The following SNX9 variants were observed in gnomAD, a reference collection of about 807,000 sequenced individuals.
The protein encoded by SNX9 is sorting nexin-9.
Under a neutral mutation model 89.4 loss-of-function variants are expected in SNX9, and 44 were observed. The ratio of observed to expected loss-of-function variants is 0.49; its 90% CI spans 0.39 to 0.63. SNX9 has a LOEUF of 0.63. Ranked by LOEUF, SNX9 falls within the 30% of genes least tolerant of loss-of-function variation. The pLI is 0.00. For synonymous variants in SNX9, 236 were observed against 247.8 expected (o/e 0.95, Z 0.45); for missense variants, 578 against 736.1 (o/e 0.79, Z 2.49).
intron 9 of SNX9, among the ~76,000 whole-genome samples, chr6:157,911,559 A>G (rs1021815258): frequency 4.6e-5 from 7 of 152,216 alleles, no homozygotes; most frequent in African/African-American, 1.7e-4. Flanking sequence ...CCTCACAGAT[A>G]GGCATTTTCA....
At chr6:157,869,898 C>T (rs905718990) in intron 2 of SNX9, among the ~76,000 whole-genome samples, 4 of 152,046 alleles carry the variant, frequency 2.6e-5, no homozygotes, top group Non-Finnish European at 5.9e-5. Flanking sequence ...CACACACATG[C>T]GCACACACCT....
chr6:157,884,919 G>A (rs559810662), intron 4 of SNX9, among the ~76,000 whole-genome samples: 89 of 152,088 alleles, frequency 5.9e-4, no homozygotes, highest in African/African-American at 1.9e-3. Flanking sequence ...ATTGTTATAC[G>A]TACATCCTGT....
intron 1 of SNX9, among the ~76,000 whole-genome samples, chr6:157,852,546 C>T (rs941860842): frequency 1.3e-5 from 2 of 151,936 alleles, no homozygotes; most frequent in African/African-American, 4.9e-5. Flanking sequence ...TAACAGTAGA[C>T]CTCTATTTCC....
At position 157,921,813 on chromosome 6, in the gene SNX9, T is replaced by C. The variant is rs546392406; in HGVS notation, c.1080+152T>C. The C allele has an allele frequency of 2.6e-5, 25 of 944,608 alleles. 1 individual carries two copies. In the African/African-American group the frequency reaches 3.8e-4, roughly 14 times the overall value. The allele number at this position is 944,608 out of a possible 1,614,324, so 58.5% of individuals were successfully genotyped here. A position where few individuals can be genotyped will look rare whatever the true frequency, so the allele number is the denominator to read the frequency against. ...GGGACAGAAACCTAAATCCCCACCA[T>C]AGGAAATTTGTCATGATGTGTGAAG... On this transcript the variant is annotated intron_variant, in intron 10 of 17. Transcript: ENST00000392185.
At chr6:157,894,114 T>TC (rs1460169645) in intron 4 of SNX9, among the ~76,000 whole-genome samples, 3 of 138,908 alleles carry the variant, frequency 2.2e-5, no homozygotes, top group Non-Finnish European at 4.7e-5. Context: ...TTCTTTTTTT[T>TC]TTTTTTTTTT....
chr6:157,837,106 T>C (rs1781599284), intron 1 of SNX9, among the ~76,000 whole-genome samples: 1 of 152,234 alleles, frequency 6.6e-6, no homozygotes, highest in African/African-American at 2.4e-5. Flanking sequence ...AGGATTATTT[T>C]ATCTAACTGG....
intron 5 of SNX9, among the ~76,000 whole-genome samples, chr6:157,897,480 G>T (rs778036458): frequency 5.9e-5 from 9 of 152,048 alleles, no homozygotes; most frequent in Non-Finnish European, 1.3e-4. Context: ...TTTTACGGCG[G>T]TTTCATCACA....
chr6:157,937,580 C>A, intron 15 of SNX9, 57 bp downstream of exon 15: 2 of 1,137,820 alleles, frequency 1.8e-6, no homozygotes, highest in Non-Finnish European at 2.7e-6. Context: ...GGCAGATGTG[C>A]GCAGTAGTCA....
chr6:157,927,781 C>T (rs576599235), intron 11 of SNX9, among the ~76,000 whole-genome samples: 15 of 129,510 alleles, frequency 1.2e-4, no homozygotes, highest in African/African-American at 4.6e-4. Flanking sequence ...GGCTGGAGTG[C>T]AGTGGCACGA....
Position 157,823,267 on chromosome 6 carries a change from G to A in SNX9, c.-168G>A, listed in dbSNP as rs1781269649. 4 of 382,442 alleles carry A rather than the reference G, an allele frequency of 1.0e-5. No individual in the cohort carries two copies. Among genetic ancestry groups the A allele is most frequent in the African/African-American group, 2.2e-5 (1 of 45,836 alleles). 23.7% of individuals were successfully genotyped at this position (382,442 alleles called of 1,614,324 possible). On this transcript the variant is annotated 5_prime_UTR_variant, in exon 1 of 18. Coordinates refer to ENST00000392185, the MANE Select transcript of SNX9 (RefSeq NM_016224.5). This position sits in a 1 kb window ranked among gnomAD's most constrained non-coding sequence, Gnocchi z 4.6. Reference sequence around the variant, plus strand: ...GCGCGGGAGTAGCCGAGCGCCCAGCGGCTGGGCCTGAGCGTCGAGACTCGG... The same window carrying A: ...GCGCGGGAGTAGCCGAGCGCCCAGCAGCTGGGCCTGAGCGTCGAGACTCGG...
In SNX9 at chr6:157,914,469, C is replaced by CTTTTTTTTTTTTTTTTTTT. The variant is rs34419515; in HGVS notation, c.949+4449_949+4467dup. 2.8e-4 allele frequency among the ~76,000 whole-genome samples: 21 copies of CTTTTTTTTTTTTTTTTTTT among 75,114 alleles called. 1 individual carries two copies. Among genetic ancestry groups the CTTTTTTTTTTTTTTTTTTT allele is most frequent in the African/African-American group, 9.6e-4 (17 of 17,720 alleles). The allele number at this position is 75,114 out of a possible 152,430, so 49.3% of individuals were successfully genotyped here. On this transcript the variant is annotated intron_variant, in intron 9 of 17. Transcript: ENST00000392185. Reference sequence around the variant, plus strand: ...TGGCTTGGCTTGTCATTTTCTTTTTCTTTTTTTTTTTTTTTTTTTTTTTGG... The same window carrying CTTTTTTTTTTTTTTTTTTT: ...TGGCTTGGCTTGTCATTTTCTTTTTCTTTTTTTTTTTTTTTTTTTTTTTTTTTTTTTTTTTTTTTTTTGG...
intron 12 of SNX9, 76 bp from the exon 13 acceptor site, chr6:157,932,119 A>G: frequency 7.8e-7 from 1 of 1,288,130 alleles, no homozygotes; most frequent in South Asian, 1.2e-5. Context: ...AGTTACTGTA[A>G]TCACTTTTAG....
chr6:157,859,028 A>G (rs1011252629), intron 1 of SNX9, among the ~76,000 whole-genome samples: 3 of 152,222 alleles, frequency 2.0e-5, no homozygotes, highest in Non-Finnish European at 2.9e-5. Flanking sequence ...AAGAAATTCT[A>G]AAGTTTTTTT....
chr6:157,926,118 T>C (rs1583241644), intron 10 of SNX9, among the ~76,000 whole-genome samples: 1 of 152,204 alleles, frequency 6.6e-6, no homozygotes, highest in Non-Finnish European at 1.5e-5. Context: ...CTATTAAGTT[T>C]CAAAACATGA....
rs141036834 is a variant in SNX9 at position 157,909,910 on chromosome 6, C to T, written c.834C>T (p.Asn278=). 2.6e-4 allele frequency: 414 copies of T among 1,613,720 alleles called. No homozygotes were observed. The highest frequency in any genetic ancestry group is 3.3e-4 in the Non-Finnish European group (384 of 1,179,804). The change falls in exon 9 of 18, where the codon AAC becomes AAT. Residue 278 remains asparagine (N), a splice_region_variant and synonymous_variant. Coordinates refer to ENST00000392185, the MANE Select transcript of SNX9 (RefSeq NM_016224.5). ...TTTCTCTTTCCCTTATTTTGTAGAACACTAATCGATCTGTAAACCACAGGT... is the reference window on the plus strand; with the variant it reads ...TTTCTCTTTCCCTTATTTTGTAGAATACTAATCGATCTGTAAACCACAGGT... ...SYIEYQLTPT[N]TNRSVNHRYK... is the part of the protein sequence containing the mutation.
At chr6:157,924,177 A>G (rs1274602631) in intron 10 of SNX9, among the ~76,000 whole-genome samples, 1 of 152,130 alleles carries the variant, frequency 6.6e-6, no homozygotes, top group East Asian at 1.9e-4. Context: ...AGCCTGGGCA[A>G]CAGAGCAAAA....
At chr6:157,910,309 AAAG>A (rs1251331786) in intron 9 of SNX9, among the ~76,000 whole-genome samples, 1 of 152,258 alleles carries the variant, frequency 6.6e-6, no homozygotes, top group Non-Finnish European at 1.5e-5. Flanking sequence ...CTTTTCTACA[AAAG>A]AAATGTGTAC....
In SNX9 at chr6:157,908,058, T is replaced by C. The variant is rs533599640; in HGVS notation, c.706-1607T>C. Among the ~76,000 whole-genome samples, 14 of 152,316 alleles carry C rather than the reference T, an allele frequency of 9.2e-5. No individual in the cohort carries two copies. The South Asian group carries it at 2.9e-3, about 32-fold the overall frequency. On this transcript the variant is annotated intron_variant, in intron 7 of 17. Coordinates refer to ENST00000392185, the MANE Select transcript of SNX9 (RefSeq NM_016224.5). Reference sequence around the variant, plus strand: ...TCCTGACCTAACAGCCTCTGAACTTTAATATCCCAATCCGCTTTTCCCATC... The same window carrying C: ...TCCTGACCTAACAGCCTCTGAACTTCAATATCCCAATCCGCTTTTCCCATC...
chr6:157,875,909 G>A (rs989923308), intron 4 of SNX9, among the ~76,000 whole-genome samples: 1 of 151,964 alleles, frequency 6.6e-6, no homozygotes, highest in African/African-American at 2.4e-5. Context: ...GGGAGGCCAA[G>A]GCAGGTGGAT....
Sources: allele counts gnomAD v4.1 joint callset (sites outside exome capture counted in the v4.1 genomes callset), GRCh38; gene constraint gnomAD v4.1.1; non-coding constraint Gnocchi (gnomAD v3.1); transcripts MANE v1.5; gene names NCBI Gene and HGNC (gene_info 2026-07-23, HGNC 2026-07-21).